The following FRMD5 variants were observed in gnomAD, a reference collection of about 807,000 sequenced individuals.
FRMD5 encodes FERM domain-containing protein 5.
In FRMD5, 20 loss-of-function variants were observed where a neutral mutation model predicts 69.0. The observed-to-expected ratio is 0.29, with a 90% CI of 0.20 to 0.42. FRMD5 has a LOEUF of 0.42. Among genes scored for constraint, FRMD5 ranks in the 10% least tolerant of loss-of-function variants. The pLI, the probability that FRMD5 is intolerant of heterozygous loss-of-function variation, is 1.00. For synonymous variants in FRMD5, 271 were observed against 260.1 expected (o/e 1.04, Z -0.40); for missense variants, 595 against 708.6 (o/e 0.84, Z 1.82).
Position 43,874,176 on chromosome 15 carries a change from G to A in FRMD5, c.1422C>T (p.Ala474=), listed in dbSNP as rs1231356834. The change falls in exon 14 of 14, where the codon GCC becomes GCT. Residue 474 remains alanine, a synonymous_variant. Transcript: ENST00000417257. ...ASTPTATEVE[A]LGGELRALCQ... is the part of the protein sequence containing the mutation. ...ACAGGGCCCTCAGCTCTCCCCCAAG[G>A]GCCTCCACCTCTGTAGCAGTTGGGG... is the stretch of plus-strand genomic sequence containing the variant. The A allele has an allele frequency of 2.5e-6, 4 of 1,614,056 alleles. No individual in the cohort carries two copies. The highest frequency in any genetic ancestry group is 1.3e-5 in the African/African-American group (1 of 74,908).
At chr15:44,054,657 T>C (rs566913129) in intron 1 of FRMD5, among the ~76,000 whole-genome samples, 13 of 152,316 alleles carry the variant, frequency 8.5e-5, no homozygotes, top group African/African-American at 2.9e-4. Context: ...TCTAATTAGA[T>C]TCTACCCATA....
chr15:44,036,705 A>C (rs943556714), intron 1 of FRMD5, among the ~76,000 whole-genome samples: 25 of 152,220 alleles, frequency 1.6e-4, no homozygotes, highest in Non-Finnish European at 1.3e-4. Context: ...GGATTTTTCT[A>C]ATACAAAATA....
intron 1 of FRMD5, among the ~76,000 whole-genome samples, chr15:44,007,857 T>C (rs1008372396): frequency 6.6e-6 from 1 of 152,024 alleles, no homozygotes; most frequent in Admixed American, 6.5e-5. Context: ...TTGGTCAGGC[T>C]GGTCTGGAAT....
intron 5 of FRMD5, among the ~76,000 whole-genome samples, chr15:43,909,048 G>A (rs183557227): frequency 3.5e-4 from 54 of 152,146 alleles, no homozygotes; most frequent in African/African-American, 9.6e-4. Context: ...GATCTCAGGC[G>A]CAGTTTAGGG....
intron 1 of FRMD5, among the ~76,000 whole-genome samples, chr15:43,988,269 A>G (rs1333806421): frequency 6.6e-6 from 1 of 152,114 alleles, no homozygotes. Context: ...GCCAAAACCT[A>G]ATACAGAGCA....
At chr15:43,910,048 G>A (rs1024651563) in intron 4 of FRMD5, 69 bp from the exon 5 acceptor site, 6 of 840,462 alleles carry the variant, frequency 7.1e-6, no homozygotes, top group Non-Finnish European at 1.1e-5. Context: ...AATATGTATT[G>A]TAAGCCTATC....
intron 1 of FRMD5, among the ~76,000 whole-genome samples, chr15:43,959,292 G>T (rs897520372): frequency 2.0e-5 from 3 of 152,124 alleles, no homozygotes; most frequent in African/African-American, 7.2e-5. Flanking sequence ...ATTCATCATG[G>T]ACTAAATAAA....
At chr15:43,951,336 G>A (rs983533622) in intron 1 of FRMD5, among the ~76,000 whole-genome samples, 1 of 151,678 alleles carries the variant, frequency 6.6e-6, no homozygotes, top group Admixed American at 6.6e-5. Context: ...GCAGGAGAAT[G>A]GTGTGAACCC....
intron 1 of FRMD5, among the ~76,000 whole-genome samples, chr15:44,164,534 A>G (rs1444020618): frequency 6.6e-6 from 1 of 152,232 alleles, no homozygotes; most frequent in East Asian, 1.9e-4. Flanking sequence ...ATAAGAGGCA[A>G]CAGACAGTAA....
At chr15:43,996,230 T>C (rs1889917724) in intron 1 of FRMD5, among the ~76,000 whole-genome samples, 1 of 152,110 alleles carries the variant, frequency 6.6e-6, no homozygotes. Flanking sequence ...AGGATCTAGC[T>C]TGGCACTGTG....
chr15:43,887,196 C>G (rs1460766818), intron 10 of FRMD5, among the ~76,000 whole-genome samples: 1 of 152,134 alleles, frequency 6.6e-6, no homozygotes, highest in African/African-American at 2.4e-5. Context: ...AGGGATAGTT[C>G]AGTGTGGAGC....
Position 44,098,502 on chromosome 15 carries a change from C to T in FRMD5, c.102+96451G>A, listed in dbSNP as rs138238027. Among the ~76,000 whole-genome samples the T allele has an allele frequency of 1.0e-3, 143 of 137,930 alleles. 1 individual carries two copies. Among genetic ancestry groups the T allele is most frequent in the East Asian group, 8.1e-3 (39 of 4,824 alleles). The allele number at this position is 137,930 out of a possible 152,430, so 90.5% of individuals were successfully genotyped here. ...ATCATGCCACTGCACTCCAGCCTGG[C>T]GACACAGCAAGACTCTGTCTCAAAA... On this transcript the variant is annotated intron_variant, in intron 1 of 13. Transcript: ENST00000417257.
rs561384477 is a variant in FRMD5, at chr15:44,043,090, A to C, written c.103-118781T>G. ...GCAACTTCAGCAAAGTCTCAGGATA[A>C]AAAATTAATGTGCAATAATCACAAC... On this transcript the variant is annotated intron_variant, in intron 1 of 13. Transcript: ENST00000417257. Among the ~76,000 whole-genome samples, 26 of 152,320 alleles carry C rather than the reference A, an allele frequency of 1.7e-4. 1 individual carries two copies. The highest frequency in any genetic ancestry group is 1.4e-3 in the Admixed American group (21 of 15,290).
At chr15:43,950,122 C>T (rs1319281436) in intron 1 of FRMD5, among the ~76,000 whole-genome samples, 1 of 152,202 alleles carries the variant, frequency 6.6e-6, no homozygotes, top group African/African-American at 2.4e-5. Flanking sequence ...TTCAGGCCCA[C>T]TGCTCAGTGG....
chr15:44,165,146 C>A (rs1483128503), intron 1 of FRMD5, among the ~76,000 whole-genome samples: 2 of 152,168 alleles, frequency 1.3e-5, no homozygotes, highest in African/African-American at 4.8e-5. Context: ...CGGCCAGGAG[C>A]GGTGGCTCAC....
At chr15:43,989,100 A>G in intron 1 of FRMD5, 1 of 963,368 alleles carries the variant, frequency 1.0e-6, no homozygotes. Context: ...TGCCTGACTC[A>G]TCATATTCCT....
chr15:44,117,553 AT>A (rs985279644), intron 1 of FRMD5, among the ~76,000 whole-genome samples: 4 of 152,184 alleles, frequency 2.6e-5, no homozygotes, highest in African/African-American at 9.6e-5. Context: ...CGATAAAGAG[AT>A]TGTAAGAAGC....
chr15:44,087,908 C>T (rs933545418), intron 1 of FRMD5, among the ~76,000 whole-genome samples: 3 of 152,132 alleles, frequency 2.0e-5, no homozygotes, highest in Admixed American at 1.3e-4. Context: ...AATAGTTACA[C>T]TGAGTTGAAG....
chr15:43,882,263 C>T (rs2088549333), intron 13 of FRMD5, among the ~76,000 whole-genome samples: 1 of 152,204 alleles, frequency 6.6e-6, no homozygotes, highest in Admixed American at 6.5e-5. Flanking sequence ...TCTCTTCCCA[C>T]CTCGGCCTGC....
Sources: gnomAD v4.1 joint callset for allele counts (sites outside exome capture counted in the v4.1 genomes callset) on GRCh38, gnomAD v4.1.1 for gene constraint, MANE v1.5 for transcripts, NCBI Gene and HGNC (gene_info 2026-07-23, HGNC 2026-07-21) for gene names.